Variants in DRG1 observed in about 807,000 individuals in gnomAD.
The protein encoded by DRG1 is developmentally regulated GTP binding protein 1, also known as developmentally-regulated GTP-binding protein 1.
DRG1 carries 19 observed loss-of-function variants against 38.8 expected under a neutral mutation model. The ratio of observed to expected loss-of-function variants is 0.49; its 90% CI spans 0.34 to 0.72. The LOEUF (loss-of-function observed/expected upper bound fraction) is 0.72, where lower values mean the gene tolerates loss of function less well. Ranked by LOEUF, DRG1 falls within the 30% of genes least tolerant of loss-of-function variation. The probability of loss-of-function intolerance (pLI) is 0.01; values close to 1 mark genes in which losing one functional copy is unlikely to be tolerated. For missense variants in DRG1, 299 were observed against 444.8 expected (o/e 0.67, Z 2.95); for synonymous variants, 167 against 157.5 (o/e 1.06, Z -0.45).
At chr22:31,419,796 C>T (rs898937525) in intron 4 of DRG1, among the ~76,000 whole-genome samples, 9 of 152,154 alleles carry the variant, frequency 5.9e-5, no homozygotes, top group Admixed American at 3.3e-4. Context: ...GTAATCCTAG[C>T]ACTTTGGGAG....
chr22:31,411,033 A>G lies in DRG1; in HGVS notation c.364A>G (p.Ile122Val), dbSNP rs768732335. 2 of 1,613,850 alleles carry G rather than the reference A, an allele frequency of 1.2e-6. No individual in the cohort carries two copies. The highest frequency in any genetic ancestry group is 1.7e-6 in the Non-Finnish European group (2 of 1,179,864). ...KIQLLDLPGI[I>V]EGAKDGKGRG... ...GCAGCTCCTGGATCTCCCAGGTATCATTGAAGGTGCCAAGGATGGGAAAGG... is the reference window on the plus strand; with the variant it reads ...GCAGCTCCTGGATCTCCCAGGTATCGTTGAAGGTGCCAAGGATGGGAAAGG... Residue 122 changes from isoleucine to valine, a missense_variant, in exon 4 of 9, where the codon ATT becomes GTT. This residue lies in a region of DRG1 where 50 missense variants were observed against 120.6 expected (regional missense o/e 0.41). Transcript: ENST00000331457.
At chr22:31,399,827 G>A in intron 1 of DRG1, 102 bp downstream of exon 1, 1 of 1,562,488 alleles carries the variant, frequency 6.4e-7, no homozygotes, top group Non-Finnish European at 8.8e-7. Flanking sequence ...ACCGGGCCTA[G>A]ATTCCGCGAC....
intron 4 of DRG1, among the ~76,000 whole-genome samples, chr22:31,419,645 G>C (rs1256002346): frequency 1.3e-5 from 2 of 152,138 alleles, no homozygotes; most frequent in Non-Finnish European, 2.9e-5. Context: ...TCCATGTCTT[G>C]ATTGGTTTGG....
In DRG1 at chr22:31,426,725, G is replaced by A. The variant is rs369620921; in HGVS notation, c.824G>A (p.Arg275His). 2.0e-5 allele frequency: 33 copies of A among 1,613,994 alleles called. No homozygotes were observed. The highest frequency in any genetic ancestry group is 2.7e-5 in the African/African-American group (2 of 74,908). Residue 275 changes from arginine (R) to histidine (H), a missense_variant, in exon 7 of 9, where the codon CGC (arginine) becomes CAC (histidine). Transcript: ENST00000331457. ...PHCVPISAHH[R>H]WNFDDLLEKI... Reference sequence around the variant, plus strand: ...TGTGTACCCATCTCTGCCCATCACCGCTGGAATTTTGATGACCTATTGGAA... The same window carrying A: ...TGTGTACCCATCTCTGCCCATCACCACTGGAATTTTGATGACCTATTGGAA...
In DRG1 at chr22:31,419,356, C is replaced by CT. The variant is rs965161326; in HGVS notation, c.413-886dup. Among the ~76,000 whole-genome samples the CT allele has an allele frequency of 3.8e-3, 525 of 138,642 alleles. 3 individuals carry two copies. The highest frequency in any genetic ancestry group is 0.011 in the Middle Eastern group (3 of 266). 91.0% of individuals were successfully genotyped at this position (138,642 alleles called of 152,430 possible). A position where few individuals can be genotyped will look rare whatever the true frequency, so the allele number is the denominator to read the frequency against. On this transcript the variant is annotated intron_variant, in intron 4 of 8. Transcript: ENST00000331457. ...TAAGATATGCAGGCACAAAAGACTA[C>CT]TTTTTTTTTTTTTTATACAGATTGA...
chr22:31,399,663 G>C lies in DRG1; in HGVS notation c.-21G>C. ...GGTGTGTGAAGGGAGACAGTGTGGA[G>C]GCCACAGGGTACTCGCCACGATGAG... On this transcript the variant is annotated 5_prime_UTR_variant, in exon 1 of 9. Transcript: ENST00000331457. 6.2e-7 allele frequency: 1 copy of C among 1,614,040 alleles called. No homozygotes were observed. Among genetic ancestry groups the C allele is most frequent in the Non-Finnish European group, 8.5e-7 (1 of 1,179,900 alleles).
At chr22:31,419,662 C>T (rs1022289338) in intron 4 of DRG1, among the ~76,000 whole-genome samples, 7 of 152,114 alleles carry the variant, frequency 4.6e-5, no homozygotes, top group African/African-American at 1.4e-4. Flanking sequence ...TTGGTGGTTA[C>T]ACAGGTATAT....
rs1453165345 is a variant in DRG1, at chr22:31,426,774, A to G, written c.873A>G (p.Leu291=). 6.2e-7 allele frequency: 1 copy of G among 1,614,062 alleles called. No individual in the cohort carries two copies. Among genetic ancestry groups the G allele is most frequent in the Admixed American group, 1.7e-5 (1 of 59,980 alleles). ...AAAAGATCTGGGACTATCTGAAACT[A>G]GTGAGAATGTAAGTCTTTGTGGATA... ...LLEKIWDYLK[L]VRIYTKPKGQ... is the part of the protein sequence containing the mutation. Residue 291 remains leucine, a synonymous_variant, in exon 7 of 9, where the codon CTA becomes CTG. Transcript: ENST00000331457.
chr22:31,426,105 T>C (rs2050108858), intron 6 of DRG1, among the ~76,000 whole-genome samples: 1 of 152,230 alleles, frequency 6.6e-6, no homozygotes, highest in Admixed American at 6.5e-5. Context: ...AAAACAGCCT[T>C]GTAGGAAACT....
At chr22:31,428,864 T>G (rs2050124979) in intron 8 of DRG1, among the ~76,000 whole-genome samples, 1 of 152,186 alleles carries the variant, frequency 6.6e-6, no homozygotes, top group African/African-American at 2.4e-5. Flanking sequence ...AGATTATGCA[T>G]TTTTGGTAAG....
intron 2 of DRG1, among the ~76,000 whole-genome samples, chr22:31,402,466 A>C (rs1392570151): frequency 7.3e-6 from 1 of 136,102 alleles, no homozygotes; most frequent in African/African-American, 2.7e-5. Flanking sequence ...TAACAACTCT[A>C]TTTTTGGATC....
At position 31,399,606 on chromosome 22, in the gene DRG1, T is replaced by C; in HGVS notation, c.-78T>C. On this transcript the variant is annotated 5_prime_UTR_variant, in exon 1 of 9. Transcript: ENST00000331457. ...GAAGTACCGCGCCTGCGTGCTGCAG[T>C]AGCGCCTGGTGGCGGTGGCAGTTTG... is the stretch of plus-strand genomic sequence containing the variant. 6.3e-7 allele frequency: 1 copy of C among 1,596,194 alleles called. No individual in the cohort carries two copies. The highest frequency in any genetic ancestry group is 8.6e-7 in the Non-Finnish European group (1 of 1,163,666).
At chr22:31,416,127 G>A (rs770250422) in intron 4 of DRG1, among the ~76,000 whole-genome samples, 5 of 152,010 alleles carry the variant, frequency 3.3e-5, no homozygotes, top group South Asian at 4.2e-4. Flanking sequence ...TGGCTAACAC[G>A]GCAAAACCCG....
intron 6 of DRG1, among the ~76,000 whole-genome samples, chr22:31,424,897 G>A (rs574797371): frequency 1.9e-4 from 27 of 144,212 alleles, no homozygotes; most frequent in Admixed American, 5.8e-4. Flanking sequence ...CTGCCTCCCG[G>A]GTTCAAGCAA....
intron 3 of DRG1, among the ~76,000 whole-genome samples, chr22:31,409,926 CA>C (rs1247056470): frequency 6.6e-6 from 1 of 152,000 alleles, no homozygotes; most frequent in Non-Finnish European, 1.5e-5. Flanking sequence ...ACCTGGGAGG[CA>C]GAGGTTGCAG....
In DRG1 at chr22:31,406,028, G is replaced by A. The variant is rs146390454; in HGVS notation, c.342+2824G>A. Among the ~76,000 whole-genome samples the A allele has an allele frequency of 5.4e-3, 758 of 141,382 alleles. 10 individuals are homozygous for A. Among genetic ancestry groups the A allele is most frequent in the African/African-American group, 0.019 (727 of 37,754 alleles). 92.8% of individuals were successfully genotyped at this position (141,382 alleles called of 152,430 possible). On this transcript the variant is annotated intron_variant, in intron 3 of 8. Coordinates refer to ENST00000331457, the MANE Select transcript of DRG1 (RefSeq NM_004147.4). ...TTTCTTTTTTTTTTTTTTTTGAGAC[G>A]AAGTCTCATTGTGTTGCCCAAGATG...
intron 3 of DRG1, among the ~76,000 whole-genome samples, chr22:31,409,414 A>G (rs1405482060): frequency 6.6e-6 from 1 of 152,122 alleles, no homozygotes; most frequent in East Asian, 1.9e-4. Flanking sequence ...TACTGGGGAC[A>G]TACATCAGAG....
chr22:31,429,892 C>T (rs760403688), intron 8 of DRG1, among the ~76,000 whole-genome samples: 6 of 151,932 alleles, frequency 3.9e-5, no homozygotes, highest in Non-Finnish European at 5.9e-5. Flanking sequence ...TCTAGTGATC[C>T]GCCTACCTTC....
intron 4 of DRG1, among the ~76,000 whole-genome samples, chr22:31,418,087 G>C (rs1430642498): frequency 1.3e-5 from 2 of 151,750 alleles, no homozygotes; most frequent in African/African-American, 4.8e-5. Flanking sequence ...ATGAGGTCAG[G>C]AGTTCAAGAC....
Sources: allele counts gnomAD v4.1 joint callset (sites outside exome capture counted in the v4.1 genomes callset), GRCh38; gene constraint gnomAD v4.1.1; regional missense constraint gnomAD v4.1.1; transcripts MANE v1.5; gene names NCBI Gene and HGNC (gene_info 2026-07-23, HGNC 2026-07-21).